Variants in COL24A1 observed in about 807,000 individuals in gnomAD.
The protein encoded by COL24A1 is collagen alpha-1(XXIV) chain.
In COL24A1, 224 loss-of-function variants were observed where a neutral mutation model predicts 253.9. That is an observed-to-expected ratio of 0.88 (90% CI 0.79 to 0.99). COL24A1 has a LOEUF of 0.99. Ranked by LOEUF, COL24A1 falls within the 50% of genes least tolerant of loss-of-function variation. COL24A1 has a pLI of 0.00. For synonymous variants in COL24A1, 685 were observed against 673.7 expected, an observed-to-expected ratio of 1.02 and a Z score of -0.26; for missense variants, 2,131 against 2,068.5, an observed-to-expected ratio of 1.03 and a Z score of -0.59.
In COL24A1 at chr1:85,875,311, C is replaced by T; in HGVS notation, c.3050G>A (p.Gly1017Glu). 1.2e-6 allele frequency: 2 copies of T among 1,613,698 alleles called. No individual in the cohort carries two copies. Among genetic ancestry groups the T allele is most frequent in the South Asian group, 2.2e-5 (2 of 91,082 alleles). Residue 1017 changes from glycine to glutamate, a missense_variant, in exon 34 of 60, where the codon GGA becomes GAA. Transcript: ENST00000370571. ...TGGTTCACCTTGCAGACCAGACTCTCCCTCAGTGCCTGGAGGTCCCTACAA... is the reference window on the plus strand; with the variant it reads ...TGGTTCACCTTGCAGACCAGACTCTTCCTCAGTGCCTGGAGGTCCCTACAA... ...MGMEGPPGTE[G>E]ESGLQGEPGA...
At chr1:85,835,766 G>T (rs1675931468) in intron 43 of COL24A1, among the ~76,000 whole-genome samples, 1 of 152,136 alleles carries the variant, frequency 6.6e-6, no homozygotes, top group Non-Finnish European at 1.5e-5. Flanking sequence ...ACTGCCTAAT[G>T]AGTATGGGGC....
intron 47 of COL24A1, among the ~76,000 whole-genome samples, chr1:85,789,772 T>C (rs543082529): frequency 5.8e-4 from 88 of 152,298 alleles, no homozygotes; most frequent in African/African-American, 2.0e-3. Context: ...GGATGTTGAA[T>C]TTTATTGAAG....
In COL24A1 at chr1:85,989,906, A is replaced by G. The variant is rs149891222; in HGVS notation, c.2311-2252T>C. On this transcript the variant is annotated intron_variant, in intron 19 of 59. Coordinates refer to ENST00000370571, the MANE Select transcript of COL24A1 (RefSeq NM_152890.7). ...CCATACCTTGAATTAGGTTGCTTCT[A>G]AGAACTCTCACACCATCCTGGGGTC... is the stretch of plus-strand genomic sequence containing the variant. 2.8e-3 allele frequency among the ~76,000 whole-genome samples: 428 copies of G among 152,274 alleles called. 2 individuals are homozygous for G. Among genetic ancestry groups the G allele is most frequent in the African/African-American group, 0.01 (419 of 41,552 alleles).
chr1:86,113,065 A>AAG (rs1254854345), intron 4 of COL24A1, among the ~76,000 whole-genome samples: 2 of 152,230 alleles, frequency 1.3e-5, no homozygotes, highest in Admixed American at 1.3e-4. Context: ...TGTAGCACTT[A>AAG]ACACATTGAA....
chr1:86,096,462 C>T (rs1293698260), intron 5 of COL24A1, among the ~76,000 whole-genome samples: 2 of 152,084 alleles, frequency 1.3e-5, no homozygotes, highest in East Asian at 3.9e-4. Context: ...CTATCTTTAG[C>T]CCACTCTTCA....
Position 85,729,833 on chromosome 1 carries a change from G to T in COL24A1, c.*713C>A, listed in dbSNP as rs1407774060. On this transcript the variant is annotated 3_prime_UTR_variant, in exon 60 of 60. Transcript: ENST00000370571. ...GGCTTTGATTCCAAATACACAAAGA[G>T]AATTTTAAAATAAAACAAGGACTTC... The T allele has an allele frequency of 6.6e-6, 1 of 152,562 alleles. No homozygotes were observed. Among genetic ancestry groups the T allele is most frequent in the Non-Finnish European group, 1.5e-5 (1 of 68,024 alleles). 9.5% of individuals were successfully genotyped at this position (152,562 alleles called of 1,614,324 possible).
chr1:86,021,132 G>A (rs1437235421), intron 18 of COL24A1, among the ~76,000 whole-genome samples: 1 of 152,162 alleles, frequency 6.6e-6, no homozygotes, highest in East Asian at 1.9e-4. Context: ...ATAATCCTGA[G>A]ATGGAAGGGT....
intron 59 of COL24A1, among the ~76,000 whole-genome samples, chr1:85,733,369 C>A (rs1452449404): frequency 6.6e-6 from 1 of 152,142 alleles, no homozygotes; most frequent in African/African-American, 2.4e-5. Context: ...GTGGGCCCTG[C>A]AGTCTCTGTC....
intron 24 of COL24A1, among the ~76,000 whole-genome samples, chr1:85,943,357 A>G (rs1029767840): frequency 2.6e-5 from 4 of 152,202 alleles, no homozygotes; most frequent in African/African-American, 9.7e-5. Flanking sequence ...TAATCATGTG[A>G]GCCAATTCTC....
intron 12 of COL24A1, among the ~76,000 whole-genome samples, chr1:86,044,915 C>T (rs1699783729): frequency 6.6e-6 from 1 of 152,146 alleles, no homozygotes; most frequent in Non-Finnish European, 1.5e-5. Context: ...TCAATTTGCT[C>T]ATCAATGTCT....
At chr1:86,062,400 T>TC (rs1701156481) in intron 8 of COL24A1, among the ~76,000 whole-genome samples, 1 of 151,616 alleles carries the variant, frequency 6.6e-6, no homozygotes, top group Admixed American at 6.6e-5. Context: ...TTTTGCCTGT[T>TC]TTTTTTTTCT....
chr1:86,124,980 T>A lies in COL24A1; in HGVS notation c.1356A>T (p.Glu452Asp). ...TGGGATAAGTAGCATCAGGATAAAA[T>A]TCACCTTCTTTCCTTAGATCAAGGT... ...DNHLDLRKEG[E>D]FYPDATYPIE... The change falls in exon 3 of 60, where the codon GAA (glutamate) becomes GAT (aspartate). Residue 452 changes from glutamate to aspartate, a missense_variant. Glu to Asp is a conservative substitution (Grantham distance 45). Coordinates refer to ENST00000370571, the MANE Select transcript of COL24A1 (RefSeq NM_152890.7). The A allele has an allele frequency of 1.2e-6, 2 of 1,613,262 alleles. No homozygotes were observed. Among genetic ancestry groups the A allele is most frequent in the Non-Finnish European group, 1.7e-6 (2 of 1,179,660 alleles).
At chr1:85,809,636 T>C (rs1005929232) in intron 47 of COL24A1, among the ~76,000 whole-genome samples, 1 of 152,022 alleles carries the variant, frequency 6.6e-6, no homozygotes, top group African/African-American at 2.4e-5. Flanking sequence ...GGCACAGTTC[T>C]GGTGAGCCTC....
At chr1:85,974,581 C>T (rs146357607) in intron 20 of COL24A1, among the ~76,000 whole-genome samples, 299 of 152,072 alleles carry the variant, frequency 2.0e-3, no homozygotes, top group African/African-American at 6.9e-3. Context: ...AAAAGCATGG[C>T]AAAAACAAAA....
At chr1:85,961,108 TCACAA>T in intron 24 of COL24A1, 136 bp downstream of exon 24, 1 of 667,456 alleles carries the variant, frequency 1.5e-6, no homozygotes, top group Non-Finnish European at 2.6e-6. Context: ...AGCAGAAACA[TCACAA>T]GTAAGTTTAA....
chr1:85,824,222 G>C (rs1673969698), intron 43 of COL24A1, among the ~76,000 whole-genome samples: 1 of 152,174 alleles, frequency 6.6e-6, no homozygotes, highest in Non-Finnish European at 1.5e-5. Context: ...TTGGAGAGAT[G>C]CGGTCATAGG....
intron 24 of COL24A1, among the ~76,000 whole-genome samples, chr1:85,957,833 C>T (rs576331885): frequency 3.3e-5 from 5 of 152,156 alleles, no homozygotes; most frequent in African/African-American, 9.7e-5. Flanking sequence ...ATACCTTTAG[C>T]GATTGTTCAT....
intron 7 of COL24A1, among the ~76,000 whole-genome samples, chr1:86,084,009 G>T (rs1702867160): frequency 6.6e-6 from 1 of 152,022 alleles, no homozygotes; most frequent in South Asian, 2.1e-4. Flanking sequence ...CTACAAATTA[G>T]GTAACTACAA....
chr1:86,049,907 A>C (rs960462120), intron 11 of COL24A1, among the ~76,000 whole-genome samples: 1 of 152,108 alleles, frequency 6.6e-6, no homozygotes, highest in Non-Finnish European at 1.5e-5. Flanking sequence ...TTTGAACTTA[A>C]AGTACAATTA....
Sources: gnomAD v4.1 joint callset for allele counts (sites outside exome capture counted in the v4.1 genomes callset) on GRCh38, gnomAD v4.1.1 for gene constraint, MANE v1.5 for transcripts, NCBI Gene and HGNC (gene_info 2026-07-23, HGNC 2026-07-21) for gene names.